The following ABLIM2 variants were observed in gnomAD, a reference collection of about 807,000 sequenced individuals.
ABLIM2 encodes actin binding LIM protein family member 2, also known as actin-binding LIM protein 2.
ABLIM2 carries 53 observed loss-of-function variants against 97.7 expected under a neutral mutation model. That is an observed-to-expected ratio of 0.54 (90% CI 0.44 to 0.68). ABLIM2 has a LOEUF of 0.68. Among genes scored for constraint, ABLIM2 ranks in the 30% least tolerant of loss-of-function variants. The pLI is 0.00. For missense variants in ABLIM2, 835 were observed against 867.2 expected, an observed-to-expected ratio of 0.96 and a Z score of 0.47; for synonymous variants, 361 against 345.8, an observed-to-expected ratio of 1.04 and a Z score of -0.49.
At chr4:7,968,665 C>T (rs180845188) in intron 20 of ABLIM2, among the ~76,000 whole-genome samples, 1 of 152,184 alleles carries the variant, frequency 6.6e-6, no homozygotes, top group East Asian at 1.9e-4. Flanking sequence ...TCGTGGTCGC[C>T]AGGGACTGGG....
chr4:7,985,729 G>C (rs1308429629), intron 17 of ABLIM2, among the ~76,000 whole-genome samples: 2 of 152,200 alleles, frequency 1.3e-5, no homozygotes, highest in Non-Finnish European at 2.9e-5. Flanking sequence ...GACACTCTGA[G>C]GGGGATGGGC....
At chr4:8,114,689 A>G (rs976829289) in intron 1 of ABLIM2, among the ~76,000 whole-genome samples, 1 of 152,186 alleles carries the variant, frequency 6.6e-6, no homozygotes, top group Admixed American at 6.5e-5. Context: ...GGAGCTCTGC[A>G]GGTCCAGACA....
At chr4:8,105,842 T>C (rs1837103070) in intron 2 of ABLIM2, among the ~76,000 whole-genome samples, 1 of 152,342 alleles carries the variant, frequency 6.6e-6, no homozygotes, top group South Asian at 2.1e-4. Flanking sequence ...CAAGGGCACA[T>C]GCGTTATCTT....
intron 6 of ABLIM2, among the ~76,000 whole-genome samples, chr4:8,064,122 T>C (rs953920676): frequency 7.9e-5 from 12 of 152,226 alleles, no homozygotes; most frequent in African/African-American, 2.9e-4. Context: ...TTTCCTTTGT[T>C]CTGTGTGCTC....
chr4:7,970,185 G>A lies in ABLIM2; in HGVS notation c.1825-3082C>T, dbSNP rs1380296837. 6.6e-6 allele frequency among the ~76,000 whole-genome samples: 1 copy of A among 152,166 alleles called. No homozygotes were observed. The highest frequency in any genetic ancestry group is 1.5e-5 in the Non-Finnish European group (1 of 68,026). On this transcript the variant is annotated intron_variant, in intron 20 of 20. Coordinates refer to ENST00000447017, the MANE Select transcript of ABLIM2 (RefSeq NM_001130083.2). The surrounding 1 kb of genome is among the most constrained non-coding windows in gnomAD (Gnocchi z 5.3). ...AGGCCCCTGGCAGGGGTAGGCTGGG[G>A]TGGTGAACTGACACGTAAGTAAATA...
chr4:8,039,035 C>A (rs190999160), intron 9 of ABLIM2, among the ~76,000 whole-genome samples: 11 of 152,270 alleles, frequency 7.2e-5, no homozygotes, highest in African/African-American at 2.6e-4. Context: ...TCCTTCCCCA[C>A]ACCCCCGCAA....
Position 8,068,048 on chromosome 4 carries a change from C to T in ABLIM2, c.676-6994G>A, listed in dbSNP as rs1809184817. 6.6e-6 allele frequency among the ~76,000 whole-genome samples: 1 copy of T among 152,154 alleles called. No individual in the cohort carries two copies. The highest frequency in any genetic ancestry group is 2.4e-5 in the African/African-American group (1 of 41,434). On this transcript the variant is annotated intron_variant, in intron 6 of 20. Transcript: ENST00000447017. This position sits in a 1 kb window ranked among gnomAD's most constrained non-coding sequence, Gnocchi z 4.5. ...GTGTCCTCATTCCCTGTGTCACCTC[C>T]TGTTGTCATTCCCATTCTCTCATAG...
chr4:7,968,508 G>C (rs923890865), intron 20 of ABLIM2, among the ~76,000 whole-genome samples: 1 of 152,230 alleles, frequency 6.6e-6, no homozygotes, highest in Admixed American at 6.5e-5. Flanking sequence ...TTAAAAGGTC[G>C]TGAAGTTCCG....
intron 1 of ABLIM2, among the ~76,000 whole-genome samples, chr4:8,133,859 GC>G (rs1421070132): frequency 6.6e-6 from 1 of 152,214 alleles, no homozygotes; most frequent in Non-Finnish European, 1.5e-5. Context: ...CAGTGTCCCT[GC>G]CCACACCACA....
intron 12 of ABLIM2, 77 bp downstream of exon 12, chr4:8,027,682 G>T: frequency 8.3e-7 from 1 of 1,203,772 alleles, no homozygotes; most frequent in Non-Finnish European, 1.1e-6. Context: ...CCATGCGGCA[G>T]ACATGGACAG....
At chr4:8,103,907 T>C (rs1200521188) in intron 2 of ABLIM2, among the ~76,000 whole-genome samples, 1 of 152,268 alleles carries the variant, frequency 6.6e-6, no homozygotes, top group Non-Finnish European at 1.5e-5. Flanking sequence ...CTTTGTCTTT[T>C]AAAATAGGCT....
chr4:8,056,701 G>C (rs1325799345), intron 7 of ABLIM2, among the ~76,000 whole-genome samples: 2 of 151,936 alleles, frequency 1.3e-5, no homozygotes, highest in African/African-American at 4.8e-5. Flanking sequence ...GGGAGGCTGA[G>C]GCAGGCGGAT....
In ABLIM2 at chr4:8,015,419, G is replaced by A. The variant is rs1768279899; in HGVS notation, c.1423+4199C>T. Among the ~76,000 whole-genome samples the A allele has an allele frequency of 6.6e-6, 1 of 151,956 alleles. No individual in the cohort carries two copies. Among genetic ancestry groups the A allele is most frequent in the South Asian group, 2.1e-4 (1 of 4,808 alleles). On this transcript the variant is annotated intron_variant, in intron 14 of 20. Coordinates refer to ENST00000447017, the MANE Select transcript of ABLIM2 (RefSeq NM_001130083.2). This position sits in a 1 kb window ranked among gnomAD's most constrained non-coding sequence, Gnocchi z 4.6. ...CAGTGGGGGCTTCCCAGTGCAATCC[G>A]CACTCTGGACACAGCCTGCCGTTCC...
Position 8,043,594 on chromosome 4 carries a change from C to T in ABLIM2, c.900+1570G>A, listed in dbSNP as rs1223910890. ...GGGAAGAAATCAGGACCCGGATGCA[C>T]ACAGATGACCCGTGATGATGCAAGG... On this transcript the variant is annotated intron_variant, in intron 9 of 20. Coordinates refer to ENST00000447017, the MANE Select transcript of ABLIM2 (RefSeq NM_001130083.2). The surrounding 1 kb of genome is among the most constrained non-coding windows in gnomAD (Gnocchi z 4.8). Among the ~76,000 whole-genome samples, 2 of 152,082 alleles carry T rather than the reference C, an allele frequency of 1.3e-5. No individual in the cohort carries two copies. The highest frequency in any genetic ancestry group is 3.9e-4 in the East Asian group (2 of 5,158).
rs143404632 is a variant in ABLIM2, at chr4:8,122,199, G to T, written c.11-15562C>A. ...GCCTTGACCTGGAGACACCACACCA[G>T]CCTGGATGGGGAGTCTCGCTGCCCC... On this transcript the variant is annotated intron_variant, in intron 1 of 20. Coordinates refer to ENST00000447017, the MANE Select transcript of ABLIM2 (RefSeq NM_001130083.2). This position sits in a 1 kb window ranked among gnomAD's most constrained non-coding sequence, Gnocchi z 4.1. 9.1e-4 allele frequency among the ~76,000 whole-genome samples: 139 copies of T among 152,258 alleles called. 1 individual carries two copies. The East Asian group carries it at 0.024, about 26-fold the overall frequency.
At chr4:8,040,440 G>C (rs917368466) in intron 9 of ABLIM2, among the ~76,000 whole-genome samples, 3 of 152,118 alleles carry the variant, frequency 2.0e-5, no homozygotes, top group African/African-American at 7.2e-5. Context: ...GTGAGACCCT[G>C]TCTCTACTAA....
intron 1 of ABLIM2, among the ~76,000 whole-genome samples, chr4:8,118,399 A>G (rs532203664): frequency 6.6e-6 from 1 of 152,254 alleles, no homozygotes; most frequent in Admixed American, 6.5e-5. Context: ...AACTTGGGGT[A>G]GGTCCCTTTT....
chr4:8,091,599 TA>T (rs1828316695), intron 3 of ABLIM2, among the ~76,000 whole-genome samples: 1 of 28,198 alleles, frequency 3.5e-5, no homozygotes, highest in Admixed American at 7.4e-4. Context: ...TATATATAAT[TA>T]TATATATTAT....
intron 17 of ABLIM2, among the ~76,000 whole-genome samples, chr4:7,987,223 C>T (rs1414095098): frequency 6.6e-6 from 1 of 151,902 alleles, no homozygotes; most frequent in Non-Finnish European, 1.5e-5. Context: ...AGCTATCTGC[C>T]CACCTCAGCC....
Sources: gnomAD v4.1 joint callset for allele counts (sites outside exome capture counted in the v4.1 genomes callset) on GRCh38, gnomAD v4.1.1 for gene constraint, Gnocchi (gnomAD v3.1) non-coding constraint, MANE v1.5 for transcripts, NCBI Gene and HGNC (gene_info 2026-07-23, HGNC 2026-07-21) for gene names.